CRIP2: variants seen among roughly 807,000 people sequenced by gnomAD.
CRIP2 encodes cysteine-rich protein 2.
A neutral mutation model predicts 31.3 loss-of-function variants in CRIP2; 31 were observed. The observed-to-expected ratio is 0.99, with a 90% CI of 0.74 to 1.34. CRIP2 has a LOEUF of 1.34. CRIP2 is among the 40% of genes most tolerant of loss of function. CRIP2 has a pLI of 0.00. For missense variants in CRIP2, 389 were observed against 301.6 expected (o/e 1.29, Z -2.15); for synonymous variants, 177 against 127.2 (o/e 1.39, Z -2.63).
rs868956518 is a variant in CRIP2 at position 105,479,023 on chromosome 14, C to T, written c.382C>T (p.Arg128Cys). 2 of 1,583,746 alleles carry T rather than the reference C, an allele frequency of 1.3e-6. No homozygotes were observed. The highest frequency in any genetic ancestry group is 1.3e-5 in the African/African-American group (1 of 74,220). Residue 128 changes from arginine (R) to cysteine (C), a missense_variant, in exon 5 of 8, where the codon CGC (arginine) becomes TGC (cysteine). Physicochemically the swap from Arg to Cys is radical, Grantham distance 180. Transcript: ENST00000329146. ...TFTGEPNTCP[R>C]CSKKVYFAEK... is the part of the protein sequence containing the mutation. The stretch of plus-strand genomic sequence containing the variant: ...CACCGGGGAGCCCAACACGTGCCCG[C>T]GCTGCAGCAAGAAGGTGTACTTCGG...
intron 1 of CRIP2, chr14:105,476,832 G>A: frequency 1.1e-6 from 1 of 931,216 alleles, no homozygotes; most frequent in Non-Finnish European, 1.3e-6. Context: ...CCTGGAGGCT[G>A]GCCCTGGCCA....
chr14:105,477,557 A>C, intron 1 of CRIP2: 1 of 982,368 alleles, frequency 1.0e-6, no homozygotes, highest in Non-Finnish European at 1.2e-6. Flanking sequence ...GGCAGGTGTG[A>C]GAGGGAGAGC....
At chr14:105,476,463 C>T in intron 1 of CRIP2, 1 of 985,552 alleles carries the variant, frequency 1.0e-6, no homozygotes, top group Non-Finnish European at 1.2e-6. Flanking sequence ...GGAGGCCACC[C>T]CAGAGCCCAT....
Position 105,479,303 on chromosome 14 carries a change from TG to T in CRIP2, c.501+90del, listed in dbSNP as rs587651277. 94 of 1,319,646 alleles carry T rather than the reference TG, an allele frequency of 7.1e-5. 2 individuals carry two copies. In the South Asian group the frequency reaches 9.4e-4, roughly 13 times the overall value. The allele number at this position is 1,319,646 out of a possible 1,614,324, so 81.7% of individuals were successfully genotyped here. On this transcript the variant is annotated intron_variant, in intron 6 of 7. Coordinates refer to ENST00000329146, the MANE Select transcript of CRIP2 (RefSeq NM_001312.4). ...GGGTGAGAGGCGCGCCTAGAGGGGA[TG>T]GGGGGTGGTGCTTCTGGGAGCTGCG...
At chr14:105,477,355 G>C (rs868976663) in intron 1 of CRIP2, 17 of 985,266 alleles carry the variant, frequency 1.7e-5, no homozygotes, top group Middle Eastern at 5.2e-4. Flanking sequence ...ATTACGGCGG[G>C]GGGAGAGCTC....
chr14:105,479,770 G>C lies in CRIP2; in HGVS notation c.*117G>C, dbSNP rs1232106854. On this transcript the variant is annotated 3_prime_UTR_variant, in exon 8 of 8. Coordinates refer to ENST00000329146, the MANE Select transcript of CRIP2 (RefSeq NM_001312.4). ...CCAGTCCTGCCTGCAAGCCCAGGGC[G>C]AGTATTGGAGGAGGGGCAGCCACGG... The C allele has an allele frequency of 8.6e-7, 1 of 1,166,444 alleles. No individual in the cohort carries two copies. The highest frequency in any genetic ancestry group is 1.2e-6 in the Non-Finnish European group (1 of 819,566). 72.3% of individuals were successfully genotyped at this position (1,166,444 alleles called of 1,614,324 possible).
intron 1 of CRIP2, chr14:105,477,166 C>G (rs893313113): frequency 1.7e-5 from 10 of 604,946 alleles, no homozygotes; most frequent in African/African-American, 4.0e-5. Context: ...AATTCCGGCT[C>G]TGCTGGGCCC....
In CRIP2 at chr14:105,478,651, C is replaced by A. The variant is rs2084008762; in HGVS notation, c.197-80C>A. On this transcript the variant is annotated intron_variant, in intron 3 of 7. Transcript: ENST00000329146. This position sits in a 1 kb window ranked among gnomAD's most constrained non-coding sequence, Gnocchi z 4.9. ...TGGAAAGCCTAGTGCCCCCCAGTCC[C>A]CAGCGGGCCGTTTTCTGAGATGCCC... 6.8e-7 allele frequency: 1 copy of A among 1,466,648 alleles called. No individual in the cohort carries two copies. The highest frequency in any genetic ancestry group is 1.4e-5 in the African/African-American group (1 of 70,512). 90.9% of individuals were successfully genotyped at this position (1,466,648 alleles called of 1,614,324 possible).
At position 105,474,936 on chromosome 14, in the gene CRIP2, G is replaced by T; in HGVS notation, c.43+31G>T. 1.3e-6 allele frequency: 2 copies of T among 1,489,966 alleles called. No individual in the cohort carries two copies. Among genetic ancestry groups the T allele is most frequent in the East Asian group, 3.0e-5 (1 of 33,216 alleles). 92.3% of individuals were successfully genotyped at this position (1,489,966 alleles called of 1,614,324 possible). ...TGCGTGCCCGCTCCCGGCCCGCTCG[G>T]TGCATCCCGCCGCCCTTCGCGGCCA... is the stretch of plus-strand genomic sequence containing the variant. On this transcript the variant is annotated intron_variant, in intron 1 of 7. Coordinates refer to ENST00000329146, the MANE Select transcript of CRIP2 (RefSeq NM_001312.4). The surrounding 1 kb of genome is among the most constrained non-coding windows in gnomAD (Gnocchi z 5.1).
At chr14:105,479,304 G>C (rs2084034320) in intron 6 of CRIP2, 85 bp downstream of exon 6, 1 of 1,505,940 alleles carries the variant, frequency 6.6e-7, no homozygotes, top group East Asian at 2.3e-5. Context: ...TAGAGGGGAT[G>C]GGGGGTGGTG....
In CRIP2 at chr14:105,478,641, C is replaced by T. The variant is rs1181852759; in HGVS notation, c.197-90C>T. 3 of 1,475,542 alleles carry T rather than the reference C, an allele frequency of 2.0e-6. No homozygotes were observed. Among genetic ancestry groups the T allele is most frequent in the Admixed American group, 4.5e-5 (2 of 44,276 alleles). The allele number at this position is 1,475,542 out of a possible 1,614,324, so 91.4% of individuals were successfully genotyped here. A position where few individuals can be genotyped will look rare whatever the true frequency, so the allele number is the denominator to read the frequency against. On this transcript the variant is annotated intron_variant, in intron 3 of 7. Coordinates refer to ENST00000329146, the MANE Select transcript of CRIP2 (RefSeq NM_001312.4). The surrounding 1 kb of genome is among the most constrained non-coding windows in gnomAD (Gnocchi z 4.9). ...CCTGCCACCCTGGAAAGCCTAGTGC[C>T]CCCCAGTCCCCAGCGGGCCGTTTTC...
chr14:105,478,249 C>A lies in CRIP2; in HGVS notation c.44-17C>A. ...GCGCGCCCCGGCCCTGACCCCCCTG[C>A]CGCCCCTCCCGCTCAGCCGAGAAGG... is the stretch of plus-strand genomic sequence containing the variant. On this transcript the variant is annotated splice_polypyrimidine_tract_variant and intron_variant, in intron 1 of 7. Transcript: ENST00000329146. This position sits in a 1 kb window ranked among gnomAD's most constrained non-coding sequence, Gnocchi z 4.9. 5 of 1,526,068 alleles carry A rather than the reference C, an allele frequency of 3.3e-6. No homozygotes were observed. The highest frequency in any genetic ancestry group is 4.4e-6 in the Non-Finnish European group (5 of 1,139,368). 94.5% of individuals were successfully genotyped at this position (1,526,068 alleles called of 1,614,324 possible). A position where few individuals can be genotyped will look rare whatever the true frequency, so the allele number is the denominator to read the frequency against.
In CRIP2 at chr14:105,479,117, C is replaced by T. The variant is rs587736009; in HGVS notation, c.407-8C>T. 2.0e-4 allele frequency: 327 copies of T among 1,611,456 alleles called. 2 individuals are homozygous for T. The highest frequency in any genetic ancestry group is 1.6e-3 in the South Asian group (143 of 91,020). On this transcript the variant is annotated splice_polypyrimidine_tract_variant and splice_region_variant and intron_variant, in intron 5 of 7. Coordinates refer to ENST00000329146, the MANE Select transcript of CRIP2 (RefSeq NM_001312.4). ...CCGGGGCTCGGCCTCACTCCTCCCC[C>T]TTTCCAGCTGAGAAGGTGACGTCTC...
upstream of CRIP2, chr14:105,473,388 G>A (rs782729557): frequency 1.4e-5 from 21 of 1,535,632 alleles, no homozygotes; most frequent in African/African-American, 1.8e-4. Context: ...TGGCTGCAGG[G>A]TGTGTGTGCA....
intron 1 of CRIP2, chr14:105,475,733 C>A: frequency 1.2e-6 from 1 of 802,452 alleles, no homozygotes; most frequent in Non-Finnish European, 1.5e-6. Flanking sequence ...GGCTTACTCA[C>A]TCTCTGGGCC....
In CRIP2 at chr14:105,478,667, T is replaced by C; in HGVS notation, c.197-64T>C. ...CCCCAGTCCCCAGCGGGCCGTTTTC[T>C]GAGATGCCCGGTGGCCGCGGCCCCC... On this transcript the variant is annotated intron_variant, in intron 3 of 7. Coordinates refer to ENST00000329146, the MANE Select transcript of CRIP2 (RefSeq NM_001312.4). The surrounding 1 kb of genome is among the most constrained non-coding windows in gnomAD (Gnocchi z 4.9). The C allele has an allele frequency of 6.9e-7, 1 of 1,456,018 alleles. No individual in the cohort carries two copies. The highest frequency in any genetic ancestry group is 9.0e-7 in the Non-Finnish European group (1 of 1,106,098). 90.2% of individuals were successfully genotyped at this position (1,456,018 alleles called of 1,614,324 possible).
Position 105,477,669 on chromosome 14 carries a change from GCA to G in CRIP2, c.44-596_44-595del, listed in dbSNP as rs1555436102. 379 of 942,472 alleles carry G rather than the reference GCA, an allele frequency of 4.0e-4. 82 individuals are homozygous for G. The highest frequency in any genetic ancestry group is 4.6e-4 in the Non-Finnish European group (360 of 779,892). 58.4% of individuals were successfully genotyped at this position (942,472 alleles called of 1,614,324 possible). Reference sequence around the variant, plus strand: ...GGGAGATGCATATGTGTGGGGGGAGGCAGGTGTGTGGGGGGAAGCGGGTGTGT... The same window carrying G: ...GGGAGATGCATATGTGTGGGGGGAGGGGTGTGTGGGGGGAAGCGGGTGTGT... On this transcript the variant is annotated intron_variant, in intron 1 of 7. Coordinates refer to ENST00000329146, the MANE Select transcript of CRIP2 (RefSeq NM_001312.4).
At chr14:105,476,444 G>C in intron 1 of CRIP2, 1 of 985,532 alleles carries the variant, frequency 1.0e-6, no homozygotes, top group Non-Finnish European at 1.2e-6. Context: ...GGATGTCGGA[G>C]CACATTGAGG....
Position 105,478,939 on chromosome 14 carries a change from AC to A in CRIP2, c.338-35del. On this transcript the variant is annotated intron_variant, in intron 4 of 7. Coordinates refer to ENST00000329146, the MANE Select transcript of CRIP2 (RefSeq NM_001312.4). This position sits in a 1 kb window ranked among gnomAD's most constrained non-coding sequence, Gnocchi z 4.9. The stretch of plus-strand genomic sequence containing the variant: ...CGGGCTGGGGCTGGGGGTTGTGGGC[AC>A]CCCCGGCCCCGCCCCGCCCTGACTC... 3.3e-6 allele frequency: 5 copies of A among 1,527,782 alleles called. No homozygotes were observed. Among genetic ancestry groups the A allele is most frequent in the Non-Finnish European group, 4.4e-6 (5 of 1,142,140 alleles). The allele number at this position is 1,527,782 out of a possible 1,614,324, so 94.6% of individuals were successfully genotyped here.
Sources: gnomAD v4.1 joint callset for allele counts on GRCh38, gnomAD v4.1.1 for gene constraint, Gnocchi (gnomAD v3.1) non-coding constraint, MANE v1.5 for transcripts, NCBI Gene and HGNC (gene_info 2026-07-23, HGNC 2026-07-21) for gene names.